The following NCAN variants were observed in gnomAD, a reference collection of about 807,000 sequenced individuals.
The protein encoded by NCAN is neurocan.
A neutral mutation model predicts 121.8 loss-of-function variants in NCAN; 47 were observed. That is an observed-to-expected ratio of 0.39 (90% CI 0.31 to 0.49). The LOEUF (loss-of-function observed/expected upper bound fraction) is 0.49, where lower values mean the gene tolerates loss of function less well. NCAN is among the 20% of genes least tolerant of loss of function. NCAN has a pLI of 0.92. For missense variants in NCAN, 1,517 were observed against 1,773.4 expected (o/e 0.86, Z 2.60); for synonymous variants, 633 against 702.0 (o/e 0.90, Z 1.55).
In NCAN at chr19:19,251,049, C is replaced by T. The variant is rs796905013; in HGVS notation, c.*1138C>T. On this transcript the variant is annotated 3_prime_UTR_variant, in exon 15 of 15. Transcript: ENST00000252575. Reference sequence around the variant, plus strand: ...AAGAACTCACCTTGCCTTCCTCCCCCAAATGTGCAACCTGTAAAAGGTCTC... The same window carrying T: ...AAGAACTCACCTTGCCTTCCTCCCCTAAATGTGCAACCTGTAAAAGGTCTC... 3.9e-5 allele frequency: 6 copies of T among 152,296 alleles called. No homozygotes were observed. The South Asian group carries it at 6.2e-4, about 16-fold the overall frequency. The allele number at this position is 152,296 out of a possible 1,614,324, so 9.4% of individuals were successfully genotyped here. A position where few individuals can be genotyped will look rare whatever the true frequency, so the allele number is the denominator to read the frequency against.
intron 12 of NCAN, among the ~76,000 whole-genome samples, chr19:19,244,243 C>T (rs544057760): frequency 6.6e-6 from 1 of 151,854 alleles, no homozygotes; most frequent in Middle Eastern, 3.2e-3. Context: ...TCAGTCCTGC[C>T]TCTGAGCCTT....
chr19:19,229,221 AAAC>A (rs2060849541), intron 8 of NCAN, among the ~76,000 whole-genome samples: 1 of 152,094 alleles, frequency 6.6e-6, no homozygotes, highest in Non-Finnish European at 1.5e-5. Context: ...ACAAAAACAA[AAAC>A]AAAGTGTGGG....
rs1312034776 is a variant in NCAN, at chr19:19,214,726, G to GT, written c.-7-2221_-7-2220insT. On this transcript the variant is annotated intron_variant, in intron 1 of 14. Coordinates refer to ENST00000252575, the MANE Select transcript of NCAN (RefSeq NM_004386.3). The stretch of plus-strand genomic sequence containing the variant: ...CTGGATGTAGTCTGACCTGTTAACG[G>GT]GGTGTGTGTGTGTGTGTGTGTGTGT... Among the ~76,000 whole-genome samples, 78 of 106,108 alleles carry GT rather than the reference G, an allele frequency of 7.4e-4. 1 individual carries two copies. The highest frequency in any genetic ancestry group is 2.2e-3 in the African/African-American group (66 of 30,598). The allele number at this position is 106,108 out of a possible 152,430, so 69.6% of individuals were successfully genotyped here. A position where few individuals can be genotyped will look rare whatever the true frequency, so the allele number is the denominator to read the frequency against.
rs1317532627 is a variant in NCAN at position 19,225,393 on chromosome 19, C to T, written c.1072+123C>T. ...AGCTCGCTTTGTGATAAGCCACATCCCTGGGTGAGGGCCACGCCCCCGGGT... is the reference window on the plus strand; with the variant it reads ...AGCTCGCTTTGTGATAAGCCACATCTCTGGGTGAGGGCCACGCCCCCGGGT... On this transcript the variant is annotated intron_variant, in intron 6 of 14. Transcript: ENST00000252575. The surrounding 1 kb of genome is among the most constrained non-coding windows in gnomAD (Gnocchi z 4.0). 9 of 1,236,388 alleles carry T rather than the reference C, an allele frequency of 7.3e-6. No homozygotes were observed. In the African/African-American group the frequency reaches 1.3e-4, roughly 18 times the overall value. 76.6% of individuals were successfully genotyped at this position (1,236,388 alleles called of 1,614,324 possible). A position where few individuals can be genotyped will look rare whatever the true frequency, so the allele number is the denominator to read the frequency against.
At position 19,225,091 on chromosome 19, in the gene NCAN, A is replaced by T; in HGVS notation, c.893A>T (p.His298Leu). 2 of 1,534,604 alleles carry T rather than the reference A, an allele frequency of 1.3e-6. No homozygotes were observed. The highest frequency in any genetic ancestry group is 1.7e-6 in the Non-Finnish European group (2 of 1,148,572). The change falls in exon 6 of 15, where the codon CAT (histidine) becomes CTT (leucine). Residue 298 changes from histidine to leucine, a missense_variant. Coordinates refer to ENST00000252575, the MANE Select transcript of NCAN (RefSeq NM_004386.3). This position sits in a 1 kb window ranked among gnomAD's most constrained non-coding sequence, Gnocchi z 4.0. ...GTGGGACAGCTGCACCTGGCCTGGC[A>T]TGAGGGCCTGGACCAGTGCGACCCG... ...ASVGQLHLAW[H>L]EGLDQCDPGW...
rs201292746 is a variant in NCAN, at chr19:19,230,732, T to C, written c.3019+2093T>C. 1.7e-3 allele frequency among the ~76,000 whole-genome samples: 235 copies of C among 134,874 alleles called. 2 individuals are homozygous for C. The highest frequency in any genetic ancestry group is 4.6e-3 in the African/African-American group (168 of 36,830). The allele number at this position is 134,874 out of a possible 152,430, so 88.5% of individuals were successfully genotyped here. On this transcript the variant is annotated intron_variant, in intron 8 of 14. Transcript: ENST00000252575. ...GGTGGGATCTTTTTTTTTTTTTTCC[T>C]TTTTTTTTTTTTTCCAGACAGGGTC...
chr19:19,213,612 C>T (rs2060784119), intron 1 of NCAN, among the ~76,000 whole-genome samples: 1 of 151,490 alleles, frequency 6.6e-6, no homozygotes, highest in African/African-American at 2.4e-5. Context: ...CACTGTGAAT[C>T]TGTGTGAGTG....
At position 19,218,925 on chromosome 19, in the gene NCAN, T is replaced by A; in HGVS notation, c.84T>A (p.Asp28Glu). The A allele has an allele frequency of 6.6e-7, 1 of 1,517,106 alleles. No homozygotes were observed. Among genetic ancestry groups the A allele is most frequent in the Non-Finnish European group, 8.8e-7 (1 of 1,131,138 alleles). 94.0% of individuals were successfully genotyped at this position (1,517,106 alleles called of 1,614,324 possible). The change falls in exon 3 of 15, where the codon GAT becomes GAA. Residue 28 changes from aspartate (D) to glutamate (E), a missense_variant. Asp to Glu is a conservative substitution (Grantham distance 45, BLOSUM62 2). Coordinates refer to ENST00000252575, the MANE Select transcript of NCAN (RefSeq NM_004386.3). The part of the protein sequence containing the change: ...LFVAGEQGTQ[D>E]ITDASERGLH... Reference sequence around the variant, plus strand: ...CCTTCTCCAACCCAGGCACACAGGATATCACCGATGCCAGCGAAAGGGGGC... The same window carrying A: ...CCTTCTCCAACCCAGGCACACAGGAAATCACCGATGCCAGCGAAAGGGGGC...
chr19:19,224,657 T>C (rs2060828816), intron 5 of NCAN, among the ~76,000 whole-genome samples: 1 of 149,166 alleles, frequency 6.7e-6, no homozygotes, highest in Non-Finnish European at 1.5e-5. Context: ...TTTCCCTCTC[T>C]AATCCCCTGT....
At chr19:19,246,351 G>A (rs983237614) in intron 13 of NCAN, among the ~76,000 whole-genome samples, 5 of 152,090 alleles carry the variant, frequency 3.3e-5, no homozygotes, top group Admixed American at 6.6e-5. Context: ...ATCTTTTTAA[G>A]TTGGTAAATG....
In NCAN at chr19:19,234,895, A is replaced by G. The variant is rs994877122; in HGVS notation, c.3137-88A>G. 9 of 758,208 alleles carry G rather than the reference A, an allele frequency of 1.2e-5. No individual in the cohort carries two copies. In the Admixed American group the frequency reaches 2.0e-4, roughly 17 times the overall value. 47.0% of individuals were successfully genotyped at this position (758,208 alleles called of 1,614,324 possible). On this transcript the variant is annotated intron_variant, in intron 9 of 14. Transcript: ENST00000252575. ...TAGGTCCAGGATGGATGGTAGGACC[A>G]TGACCCCATCTTCTGCTTAGTTTCC... is the stretch of plus-strand genomic sequence containing the variant.
In NCAN at chr19:19,227,400, A is replaced by G. The variant is rs762512331; in HGVS notation, c.1780A>G (p.Ser594Gly). ...GGAGCTAGAGAAAGCCGAGGGCCCC[A>G]GTGCCAGGCCAGCCACCCCAGACCT... ...VLELEKAEGP[S>G]ARPATPDLFW... Residue 594 changes from serine (S) to glycine (G), a missense_variant, in exon 8 of 15, where the codon AGT (serine) becomes GGT (glycine). Physicochemically the swap from Ser to Gly is moderately conservative, Grantham distance 56 (BLOSUM62 0). Transcript: ENST00000252575. The surrounding 1 kb of genome is among the most constrained non-coding windows in gnomAD (Gnocchi z 4.2). The G allele has an allele frequency of 1.2e-6, 2 of 1,613,630 alleles. No individual in the cohort carries two copies. Among genetic ancestry groups the G allele is most frequent in the Non-Finnish European group, 1.7e-6 (2 of 1,179,952 alleles).
At chr19:19,223,888 G>A in intron 3 of NCAN, 133 bp from the exon 4 acceptor site, 5 of 853,024 alleles carry the variant, frequency 5.9e-6, no homozygotes, top group Non-Finnish European at 6.6e-6. Flanking sequence ...CCCCACCCTC[G>A]ACCCACACTG....
At chr19:19,243,926 TG>T (rs767277990) in intron 12 of NCAN, among the ~76,000 whole-genome samples, 6 of 151,820 alleles carry the variant, frequency 4.0e-5, no homozygotes, top group Non-Finnish European at 4.4e-5. Flanking sequence ...CTCAGGAGGC[TG>T]GGGCAGGAGA....
chr19:19,213,053 G>C (rs1169270106), intron 1 of NCAN, among the ~76,000 whole-genome samples: 1 of 152,166 alleles, frequency 6.6e-6, no homozygotes, highest in African/African-American at 2.4e-5. Flanking sequence ...TACGCGTGGG[G>C]CTTTGTTCCT....
intron 10 of NCAN, among the ~76,000 whole-genome samples, chr19:19,237,067 C>A (rs2060883496): frequency 6.6e-6 from 1 of 151,312 alleles, no homozygotes; most frequent in Admixed American, 6.6e-5. Flanking sequence ...GCACCTACCA[C>A]CACACGTGAC....
Position 19,240,637 on chromosome 19 carries a change from C to A in NCAN, c.3444C>A (p.Asn1148Lys), listed in dbSNP as rs756903565. Residue 1148 changes from asparagine to lysine, a missense_variant, in exon 12 of 15, where the codon AAC (asparagine) becomes AAA (lysine). Asn to Lys is a moderately conservative substitution (Grantham distance 94). Coordinates refer to ENST00000252575, the MANE Select transcript of NCAN (RefSeq NM_004386.3). ...FGHENTWIGL[N>K]DRIVERDFQW... ...ATGAAAACACGTGGATCGGCCTGAA[C>A]GACAGGATCGTGGAGAGAGATTTCC... 6.8e-6 allele frequency: 11 copies of A among 1,614,080 alleles called. No homozygotes were observed. Among genetic ancestry groups the A allele is most frequent in the Non-Finnish European group, 8.5e-6 (10 of 1,180,028 alleles).
In NCAN at chr19:19,224,194, C is replaced by T. The variant is rs748459087; in HGVS notation, c.649C>T (p.Arg217Trp). The change falls in exon 4 of 15, where the codon CGG becomes TGG. Residue 217 changes from arginine (R) to tryptophan (W), a missense_variant and splice_region_variant. Coordinates refer to ENST00000252575, the MANE Select transcript of NCAN (RefSeq NM_004386.3). ...TGGCTGGCTCTCTGACCGCACTGTT[C>T]GGTGAGGGGGATACACAGGGCAGGG... Reference protein sequence around the residue: ...DAGWLSDRTVRYPITQSRPGC... With the variant: ...DAGWLSDRTVWYPITQSRPGC... 4.4e-5 allele frequency: 70 copies of T among 1,587,616 alleles called. 1 individual carries two copies. Among genetic ancestry groups the T allele is most frequent in the South Asian group, 1.0e-4 (9 of 88,630 alleles).
chr19:19,224,440 C>T lies in NCAN; in HGVS notation c.778+7C>T, dbSNP rs766139963. On this transcript the variant is annotated splice_region_variant and intron_variant, in intron 5 of 14. Coordinates refer to ENST00000252575, the MANE Select transcript of NCAN (RefSeq NM_004386.3). The stretch of plus-strand genomic sequence containing the variant: ...TTTGCCCGGGAGCTGGGGGGTAAGT[C>T]TGGGACTGGCAGGACCCGGCCCCTC... 2.5e-6 allele frequency: 4 copies of T among 1,612,178 alleles called. No homozygotes were observed. The highest frequency in any genetic ancestry group is 3.4e-6 in the Non-Finnish European group (4 of 1,178,854).
Sources: gnomAD v4.1 joint callset for allele counts (sites outside exome capture counted in the v4.1 genomes callset) on GRCh38, gnomAD v4.1.1 for gene constraint, Gnocchi (gnomAD v3.1) non-coding constraint, MANE v1.5 for transcripts, NCBI Gene and HGNC (gene_info 2026-07-23, HGNC 2026-07-21) for gene names.